NLGN1: variants seen among roughly 807,000 people sequenced by gnomAD.
The protein encoded by NLGN1 is neuroligin 1.
NLGN1 carries 12 observed loss-of-function variants against 65.5 expected under a neutral mutation model. The observed-to-expected ratio is 0.18, with a 90% CI of 0.12 to 0.30. The LOEUF (loss-of-function observed/expected upper bound fraction) is 0.30, where lower values mean the gene tolerates loss of function less well. NLGN1 is among the 10% of genes least tolerant of loss of function. NLGN1 has a pLI of 1.00. For synonymous variants in NLGN1, 350 were observed against 359.5 expected, an observed-to-expected ratio of 0.97 and a Z score of 0.30; for missense variants, 750 against 1,007.1, an observed-to-expected ratio of 0.74 and a Z score of 3.46.
At chr3:173,539,387 T>A (rs571736858) in intron 2 of NLGN1, among the ~76,000 whole-genome samples, 14 of 138,492 alleles carry the variant, frequency 1.0e-4, no homozygotes, top group African/African-American at 3.1e-4. Context: ...TGTATATATA[T>A]AAAAAACATA....
At chr3:173,571,109 T>A (rs911610560) in intron 2 of NLGN1, among the ~76,000 whole-genome samples, 13 of 152,164 alleles carry the variant, frequency 8.5e-5, no homozygotes, top group African/African-American at 3.1e-4. Flanking sequence ...TAAGGAAAAA[T>A]AGCAGTGTTT....
At chr3:173,600,290 C>G (rs948813702) in intron 2 of NLGN1, among the ~76,000 whole-genome samples, 1 of 151,660 alleles carries the variant, frequency 6.6e-6, no homozygotes, top group Non-Finnish European at 1.5e-5. Context: ...GACTATAGAA[C>G]ATAACTACCA....
intron 4 of NLGN1, among the ~76,000 whole-genome samples, chr3:174,139,775 ATGT>A (rs1278064920): frequency 6.6e-6 from 1 of 152,118 alleles, no homozygotes; most frequent in African/African-American, 2.4e-5. Context: ...ACAGCATGTG[ATGT>A]TGTCAGTGTT....
intron 4 of NLGN1, among the ~76,000 whole-genome samples, chr3:173,990,909 A>G (rs1178224146): frequency 6.6e-6 from 1 of 152,116 alleles, no homozygotes; most frequent in African/African-American, 2.4e-5. Context: ...AATAAACTTT[A>G]TTTTTATAGA....
intron 4 of NLGN1, among the ~76,000 whole-genome samples, chr3:173,940,227 T>A (rs1367819848): frequency 6.6e-6 from 1 of 152,018 alleles, no homozygotes; most frequent in Admixed American, 6.6e-5. Flanking sequence ...TAGCTGGGAT[T>A]ACAGGCATGC....
intron 4 of NLGN1, among the ~76,000 whole-genome samples, chr3:173,977,955 G>GT (rs1717879662): frequency 6.6e-6 from 1 of 152,036 alleles, no homozygotes; most frequent in Non-Finnish European, 1.5e-5. Flanking sequence ...ACATTTTGTG[G>GT]CTTGAGGGTA....
chr3:174,288,495 C>A (rs1165384688), downstream of NLGN1, among the ~76,000 whole-genome samples: 1 of 150,618 alleles, frequency 6.6e-6, no homozygotes, highest in African/African-American at 2.4e-5. Context: ...ATTTCTTGCT[C>A]TTTTTTTTTC....
chr3:173,962,883 A>G (rs148355436), intron 4 of NLGN1, among the ~76,000 whole-genome samples: 30 of 152,258 alleles, frequency 2.0e-4, no homozygotes, highest in African/African-American at 6.5e-4. Flanking sequence ...GTTAGTCTAT[A>G]ATCTTTTCTT....
intron 3 of NLGN1, among the ~76,000 whole-genome samples, chr3:173,753,965 ATAAT>A (rs1196190026): frequency 2.6e-4 from 27 of 103,750 alleles, no homozygotes; most frequent in Admixed American, 4.6e-4. Context: ...ATAATATAAT[ATAAT>A]ATAATATCTA....
At chr3:173,819,624 C>T (rs2101459) in intron 4 of NLGN1, among the ~76,000 whole-genome samples, 18,599 of 152,118 alleles carry the variant, frequency 0.12, 1,286 homozygotes, top group African/African-American at 0.18. Context: ...CTTCATTCAT[C>T]CCTCTCTTCT....
At chr3:173,702,102 A>G (rs867757670) in intron 3 of NLGN1, among the ~76,000 whole-genome samples, 8 of 149,652 alleles carry the variant, frequency 5.3e-5, no homozygotes, top group Middle Eastern at 6.9e-3. Context: ...AGCTGGGCGT[A>G]GTGGCGGGCG....
chr3:174,152,537 C>A (rs192570955), intron 4 of NLGN1, among the ~76,000 whole-genome samples: 4 of 152,036 alleles, frequency 2.6e-5, no homozygotes, highest in South Asian at 2.1e-4. Flanking sequence ...AGGAGATATA[C>A]CTGATGTAAA....
At chr3:173,559,197 T>C (rs1292029140) in intron 2 of NLGN1, among the ~76,000 whole-genome samples, 1 of 152,200 alleles carries the variant, frequency 6.6e-6, no homozygotes, top group Non-Finnish European at 1.5e-5. Flanking sequence ...GTGATTTCTC[T>C]CAATTTTCGG....
rs376345493 is a variant in NLGN1, at chr3:173,973,345, C to T, written c.646+165513C>T. Among the ~76,000 whole-genome samples, 586 of 152,170 alleles carry T rather than the reference C, an allele frequency of 3.9e-3. 6 individuals are homozygous for T. Among genetic ancestry groups the T allele is most frequent in the African/African-American group, 0.013 (551 of 41,536 alleles). On this transcript the variant is annotated intron_variant, in intron 4 of 6. Coordinates refer to ENST00000457714, the Ensembl canonical transcript of NLGN1. ...TTTAGTCCCTTGCCACAAGCCTGTC[C>T]GCCCAGGAGTCCTGTTGTCTTTTCT...
chr3:174,114,804 C>T (rs545145179), intron 4 of NLGN1, among the ~76,000 whole-genome samples: 2 of 152,152 alleles, frequency 1.3e-5, no homozygotes, highest in East Asian at 1.9e-4. Flanking sequence ...TACCCCAATT[C>T]GAAGGTTCCT....
At chr3:173,587,718 G>T (rs956030375) in intron 2 of NLGN1, among the ~76,000 whole-genome samples, 1 of 152,124 alleles carries the variant, frequency 6.6e-6, no homozygotes, top group African/African-American at 2.4e-5. Flanking sequence ...AAATCTGCAA[G>T]CACAGTTTCT....
intron 3 of NLGN1, among the ~76,000 whole-genome samples, chr3:173,802,817 C>T (rs1715729888): frequency 1.3e-5 from 2 of 150,762 alleles, no homozygotes; most frequent in Admixed American, 6.6e-5. Context: ...CCTGGGTATA[C>T]AAAAAGATAT....
chr3:173,989,973 A>G (rs1720756589), intron 4 of NLGN1, among the ~76,000 whole-genome samples: 1 of 152,190 alleles, frequency 6.6e-6, no homozygotes, highest in Admixed American at 6.5e-5. Flanking sequence ...TTACAGACAG[A>G]TAGAAGAATA....
At chr3:174,252,978 T>C (rs1172619816) in intron 4 of NLGN1, among the ~76,000 whole-genome samples, 4 of 152,210 alleles carry the variant, frequency 2.6e-5, no homozygotes, top group African/African-American at 4.8e-5. Context: ...GAACTATTTT[T>C]CATTAAAAGA....
Sources: gnomAD v4.1 joint callset for allele counts (sites outside exome capture counted in the v4.1 genomes callset) on GRCh38, gnomAD v4.1.1 for gene constraint, MANE v1.5 for transcripts, NCBI Gene and HGNC (gene_info 2026-07-23, HGNC 2026-07-21) for gene names.